Variants in ZNF600 observed in about 807,000 individuals in gnomAD.
ZNF600 encodes zinc finger protein KR-ZNF1.
ZNF600 carries 4 observed loss-of-function variants against 7.3 expected under a neutral mutation model. That is an observed-to-expected ratio of 0.55 (90% CI 0.27 to 1.25). The LOEUF (loss-of-function observed/expected upper bound fraction) is 1.25. Ranked by LOEUF, ZNF600 falls within the 50% of genes most tolerant of loss-of-function variation. The pLI is 0.12. For missense variants in ZNF600, 911 were observed against 922.1 expected (o/e 0.99, Z 0.16); for synonymous variants, 290 against 308.9 (o/e 0.94, Z 0.64).
exon 4 of ZNF600, chr19:52,765,846 A>G (rs1175156025): frequency 6.2e-7 from 1 of 1,613,928 alleles, no homozygotes; most frequent in Non-Finnish European, 8.5e-7. Flanking sequence ...ACATTTGTAA[A>G]GTTTCTCCCC....
At chr19:52,807,211 C>G in the ZNF600 span, among the ~76,000 whole-genome samples, 368 of 149,936 alleles carry the variant, frequency 2.5e-3, 1 homozygote, top group African/African-American at 8.5e-3. Context: ...AAAGAGACTC[C>G]TGCTTATAAA....
Position 52,781,205 on chromosome 19 carries a change from C to T in ZNF600, c.-19-2298G>A, listed in dbSNP as rs530135866. On this transcript the variant is annotated intron_variant, in intron 1 of 3. Coordinates refer to ENST00000648973, the Ensembl canonical transcript of ZNF600. Reference sequence around the variant, plus strand: ...GGAGAACTGGAATTCATTTAAAATTCGAGTTAAAACTGAGCACTACCCTCT... The same window carrying T: ...GGAGAACTGGAATTCATTTAAAATTTGAGTTAAAACTGAGCACTACCCTCT... 13 of 149,408 alleles carry T rather than the reference C, an allele frequency of 8.7e-5. No individual in the cohort carries two copies. The East Asian group carries it at 2.3e-3, about 27-fold the overall frequency. The allele number at this position is 149,408 out of a possible 1,614,324, so 9.3% of individuals were successfully genotyped here. A position where few individuals can be genotyped will look rare whatever the true frequency, so the allele number is the denominator to read the frequency against.
intron 2 of ZNF600, among the ~76,000 whole-genome samples, chr19:52,777,702 T>A (rs1463026104): frequency 2.0e-5 from 3 of 151,294 alleles, no homozygotes; most frequent in Non-Finnish European, 4.4e-5. Flanking sequence ...TGGTGGTGCA[T>A]CCTGAAGTCC....
the ZNF600 span, among the ~76,000 whole-genome samples, chr19:52,806,251 C>T: frequency 8.6e-5 from 13 of 151,820 alleles, no homozygotes; most frequent in South Asian, 4.2e-4. Flanking sequence ...TGGAGTGCAA[C>T]GGTGCGATCT....
chr19:52,810,947 C>G, the ZNF600 span, among the ~76,000 whole-genome samples: 1 of 130,682 alleles, frequency 7.7e-6, no homozygotes, highest in East Asian at 2.7e-4. Flanking sequence ...CGAGCCAAAG[C>G]TGGACGGTAC....
At chr19:52,802,655 TGACAGAGTGA>T in the ZNF600 span, among the ~76,000 whole-genome samples, 39 of 152,078 alleles carry the variant, frequency 2.6e-4, no homozygotes, top group African/African-American at 8.5e-4. Flanking sequence ...CCACCCTGGA[TGACAGAGTGA>T]GACTCCATCT....
chr19:52,768,140 C>T (rs2062603807), intron 3 of ZNF600, among the ~76,000 whole-genome samples: 1 of 151,516 alleles, frequency 6.6e-6, no homozygotes, highest in South Asian at 2.1e-4. Flanking sequence ...ACCATATTTA[C>T]TGTGTACAAA....
chr19:52,767,035 T>G, exon 4 of ZNF600: 1 of 1,614,106 alleles, frequency 6.2e-7, no homozygotes, highest in East Asian at 2.2e-5. Flanking sequence ...TTTACTGCAG[T>G]GTGAAGTCTA....
At chr19:52,810,635 GT>G in the ZNF600 span, 1 of 1,356,178 alleles carries the variant, frequency 7.4e-7, no homozygotes, top group South Asian at 1.2e-5. Context: ...TTCTACAGTG[GT>G]TTTAACAGCA....
chr19:52,814,045 T>C, the ZNF600 span, among the ~76,000 whole-genome samples: 8 of 146,672 alleles, frequency 5.5e-5, 1 homozygote, highest in East Asian at 1.6e-3. Context: ...GAAAAAACTT[T>C]TTTAAGTTAC....
chr19:52,799,457 A>T, the ZNF600 span: 1 of 840,642 alleles, frequency 1.2e-6, no homozygotes, highest in Non-Finnish European at 1.9e-6. Context: ...CTGCAGTATG[A>T]ATTCTATGAT....
intron 3 of ZNF600, among the ~76,000 whole-genome samples, chr19:52,768,919 C>G (rs113933899): frequency 9.9e-5 from 15 of 152,100 alleles, no homozygotes; most frequent in African/African-American, 3.4e-4. Context: ...TAATAATCCT[C>G]GCTCTATAAT....
At chr19:52,784,802 C>T (rs749863554) in intron 1 of ZNF600, among the ~76,000 whole-genome samples, 1 of 152,210 alleles carries the variant, frequency 6.6e-6, no homozygotes, top group Non-Finnish European at 1.5e-5. Flanking sequence ...GATCTCTGCT[C>T]ACAGCAGCCT....
Position 52,767,130 on chromosome 19 carries a change from C to T in ZNF600, c.833G>A (p.Cys278Tyr), listed in dbSNP as rs577242932. 52 of 1,613,842 alleles carry T rather than the reference C, an allele frequency of 3.2e-5. No homozygotes were observed. The East Asian group carries it at 5.8e-4, about 18-fold the overall frequency. Residue 278 changes from cysteine (C) to tyrosine (Y), a missense_variant, in exon 4 of 4, where the codon TGT becomes TAT. By Grantham distance (194) the Cys-to-Tyr change is radical (BLOSUM62 -2). Transcript: ENST00000648973. ...AGGTTTCTCTCCAGTGTGACATCTACAATGGCATGTAAGGTATTGCTTGTG... is the reference window on the plus strand; with the variant it reads ...AGGTTTCTCTCCAGTGTGACATCTATAATGGCATGTAAGGTATTGCTTGTG...
chr19:52,775,097 A>G (rs1347526400), intron 2 of ZNF600, among the ~76,000 whole-genome samples: 2 of 152,002 alleles, frequency 1.3e-5, no homozygotes, highest in African/African-American at 2.4e-5. Flanking sequence ...AAAATTTGTC[A>G]GGCATGGTGG....
chr19:52,787,391 C>T (rs987354129), upstream of ZNF600, among the ~76,000 whole-genome samples: 2 of 150,488 alleles, frequency 1.3e-5, no homozygotes, highest in African/African-American at 4.9e-5. Context: ...ATCTCTCTCT[C>T]GCTCTTTTAC....
chr19:52,791,023 C>T (rs2062789703), upstream of ZNF600, among the ~76,000 whole-genome samples: 1 of 152,198 alleles, frequency 6.6e-6, no homozygotes, highest in South Asian at 2.1e-4. Flanking sequence ...AAGTCAGAGA[C>T]ATGTTGATCT....
chr19:52,782,516 T>G (rs2062731157), intron 1 of ZNF600, among the ~76,000 whole-genome samples: 1 of 140,036 alleles, frequency 7.1e-6, no homozygotes, highest in Admixed American at 7.2e-5. Context: ...AGAGCAAAAC[T>G]GCATCCAAAA....
chr19:52,785,793 C>G (rs2062758608), intron 1 of ZNF600, among the ~76,000 whole-genome samples: 2 of 152,098 alleles, frequency 1.3e-5, no homozygotes, highest in Non-Finnish European at 2.9e-5. Flanking sequence ...CTCCAAATCC[C>G]TCCTCCTCTC....
Sources: gnomAD v4.1 joint callset for allele counts (sites outside exome capture counted in the v4.1 genomes callset) on GRCh38, gnomAD v4.1.1 for gene constraint, MANE v1.5 for transcripts, NCBI Gene and HGNC (gene_info 2026-07-23, HGNC 2026-07-21) for gene names.